The following CACNA2D3 variants were observed in gnomAD, a reference collection of about 807,000 sequenced individuals.
The protein encoded by CACNA2D3 is calcium voltage-gated channel auxiliary subunit alpha2delta 3.
A neutral mutation model predicts 160.6 loss-of-function variants in CACNA2D3; 60 were observed. The observed-to-expected ratio is 0.37, with a 90% CI of 0.30 to 0.46. The LOEUF (loss-of-function observed/expected upper bound fraction) is 0.46, where lower values mean the gene tolerates loss of function less well. Ranked by LOEUF, CACNA2D3 falls within the 20% of genes least tolerant of loss-of-function variation. The pLI, the probability that CACNA2D3 is intolerant of heterozygous loss-of-function variation, is 1.00. For synonymous variants in CACNA2D3, 558 were observed against 492.9 expected (o/e 1.13, Z -1.75); for missense variants, 1,205 against 1,365.0 (o/e 0.88, Z 1.85).
intron 12 of CACNA2D3, among the ~76,000 whole-genome samples, chr3:54,763,733 A>ATGTATATATATGTACATATATATACATAT (rs1702138055): frequency 1.4e-5 from 1 of 72,410 alleles, no homozygotes; most frequent in Non-Finnish European, 3.4e-5. Context: ...ATACATATAT[A>ATGTATATATATGTACATATATATACATAT]TGTGTATATA....
intron 9 of CACNA2D3, among the ~76,000 whole-genome samples, chr3:54,627,144 A>G (rs1699138521): frequency 6.6e-6 from 1 of 152,198 alleles, no homozygotes; most frequent in South Asian, 2.1e-4. Flanking sequence ...TGTATTACGC[A>G]TGTGGTAGAC....
chr3:54,977,665 T>C (rs1263032777), intron 29 of CACNA2D3, among the ~76,000 whole-genome samples: 1 of 152,210 alleles, frequency 6.6e-6, no homozygotes, highest in East Asian at 1.9e-4. Flanking sequence ...GTACTCAACA[T>C]GTATTTACTG....
intron 2 of CACNA2D3, among the ~76,000 whole-genome samples, chr3:54,288,045 T>C (rs1703079071): frequency 6.6e-6 from 1 of 151,908 alleles, no homozygotes; most frequent in Non-Finnish European, 1.5e-5. Context: ...ATTCAAAAGC[T>C]AGCAGAAGGC....
In CACNA2D3 at chr3:54,887,420, G is replaced by A. The variant is rs138240432; in HGVS notation, c.2057-539G>A. Among the ~76,000 whole-genome samples the A allele has an allele frequency of 6.0e-4, 91 of 151,904 alleles. No homozygotes were observed. In the East Asian group the frequency reaches 9.9e-3, roughly 17 times the overall value. On this transcript the variant is annotated intron_variant, in intron 23 of 37. Coordinates refer to ENST00000474759, the MANE Select transcript of CACNA2D3 (RefSeq NM_018398.3). ...CCAGTCTGGGTGACAGAGTGAGACC[G>A]TGTCTCAAAAAAATAAACAAATAAA... is the stretch of plus-strand genomic sequence containing the variant.
At chr3:55,000,896 C>A (rs930915240) in intron 31 of CACNA2D3, among the ~76,000 whole-genome samples, 2 of 152,188 alleles carry the variant, frequency 1.3e-5, no homozygotes, top group African/African-American at 4.8e-5. Flanking sequence ...TTCTTAGAAT[C>A]TGTCAGAGCC....
chr3:55,030,544 G>C (rs1445862440), intron 35 of CACNA2D3, among the ~76,000 whole-genome samples: 1 of 152,116 alleles, frequency 6.6e-6, no homozygotes, highest in Non-Finnish European at 1.5e-5. Context: ...AGAGGTAAAT[G>C]CTTATCCTGG....
At chr3:54,412,209 A>C (rs980040328) in intron 4 of CACNA2D3, among the ~76,000 whole-genome samples, 1 of 152,084 alleles carries the variant, frequency 6.6e-6, no homozygotes, top group Non-Finnish European at 1.5e-5. Flanking sequence ...GATACTGTAC[A>C]TTTCTTCTAA....
intron 5 of CACNA2D3, among the ~76,000 whole-genome samples, chr3:54,547,005 C>T (rs557858478): frequency 9.2e-5 from 14 of 152,138 alleles, no homozygotes; most frequent in African/African-American, 2.9e-4. Flanking sequence ...GGCACTTGTC[C>T]GTGCCACTCA....
intron 5 of CACNA2D3, among the ~76,000 whole-genome samples, chr3:54,527,615 T>C (rs927672768): frequency 2.0e-5 from 3 of 152,158 alleles, no homozygotes; most frequent in African/African-American, 7.2e-5. Flanking sequence ...GTGCAGATGT[T>C]ATGGACGAAG....
At chr3:55,009,099 A>G (rs184487166) in intron 33 of CACNA2D3, among the ~76,000 whole-genome samples, 2 of 152,310 alleles carry the variant, frequency 1.3e-5, no homozygotes, top group African/African-American at 4.8e-5. Context: ...ATTAAGATTG[A>G]ACAACTGGTG....
chr3:54,751,314 A>G (rs956541247), intron 11 of CACNA2D3, among the ~76,000 whole-genome samples: 1 of 152,190 alleles, frequency 6.6e-6, no homozygotes, highest in Non-Finnish European at 1.5e-5. Context: ...ACATTCCATA[A>G]TAATAACGTG....
intron 27 of CACNA2D3, chr3:54,925,292 T>A: frequency 8.2e-7 from 1 of 1,220,028 alleles, no homozygotes; most frequent in Non-Finnish European, 1.2e-6. Context: ...CCTTTGAATT[T>A]ACAGGTAATG....
chr3:54,990,463 G>A (rs745467732), intron 31 of CACNA2D3, among the ~76,000 whole-genome samples: 17 of 152,152 alleles, frequency 1.1e-4, no homozygotes, highest in South Asian at 2.1e-4. Context: ...CCTGGGAGGC[G>A]GAGATTGCGA....
intron 3 of CACNA2D3, among the ~76,000 whole-genome samples, chr3:54,353,567 C>T (rs1214163118): frequency 6.6e-6 from 1 of 151,990 alleles, no homozygotes; most frequent in Non-Finnish European, 1.5e-5. Context: ...GATGAGTTAT[C>T]TAGCATTCCC....
rs1391058066 is a variant in CACNA2D3, at chr3:54,506,453, A to G, written c.544+2799A>G. Among the ~76,000 whole-genome samples the G allele has an allele frequency of 2.6e-5, 4 of 152,118 alleles. No homozygotes were observed. In the East Asian group the frequency reaches 7.7e-4, roughly 29 times the overall value. ...TCTGGGGTATAATTTTTAGTTCTAGATGAAACTAGCTGGTAAACTCTACCT... is the reference window on the plus strand; with the variant it reads ...TCTGGGGTATAATTTTTAGTTCTAGGTGAAACTAGCTGGTAAACTCTACCT... On this transcript the variant is annotated intron_variant, in intron 5 of 37. Transcript: ENST00000474759.
chr3:54,494,769 A>G (rs1466706690), intron 4 of CACNA2D3, among the ~76,000 whole-genome samples: 8 of 152,204 alleles, frequency 5.3e-5, no homozygotes, highest in Non-Finnish European at 1.2e-4. Context: ...GGGAGGCCTC[A>G]GGAAACTTAC....
At chr3:54,962,015 T>C (rs1277770741) in intron 27 of CACNA2D3, among the ~76,000 whole-genome samples, 2 of 152,032 alleles carry the variant, frequency 1.3e-5, no homozygotes, top group East Asian at 3.9e-4. Context: ...TCTCTCTCCC[T>C]CTTCCTGTAA....
chr3:54,212,167 A>G (rs1559883939), intron 2 of CACNA2D3, among the ~76,000 whole-genome samples: 1 of 152,212 alleles, frequency 6.6e-6, no homozygotes, highest in Non-Finnish European at 1.5e-5. Context: ...AAGGTTAAGG[A>G]TGGACCCGTG....
chr3:54,393,965 C>A (rs929986460), intron 4 of CACNA2D3, among the ~76,000 whole-genome samples: 1 of 152,184 alleles, frequency 6.6e-6, no homozygotes, highest in African/African-American at 2.4e-5. Context: ...ATTTTGGGTA[C>A]CTTGTTGCTG....
Sources: gnomAD v4.1 joint callset for allele counts (sites outside exome capture counted in the v4.1 genomes callset) on GRCh38, gnomAD v4.1.1 for gene constraint, MANE v1.5 for transcripts, NCBI Gene and HGNC (gene_info 2026-07-23, HGNC 2026-07-21) for gene names.